Variants in TENM4 observed in about 807,000 individuals in gnomAD.
TENM4 encodes the protein teneurin transmembrane protein 4.
Under a neutral mutation model 243.3 loss-of-function variants are expected in TENM4, and 82 were observed. The observed-to-expected ratio is 0.34, with a 90% CI of 0.28 to 0.40. The LOEUF (loss-of-function observed/expected upper bound fraction) is 0.40. TENM4 is among the 10% of genes least tolerant of loss of function. The pLI, the probability that TENM4 is intolerant of heterozygous loss-of-function variation, is 1.00. For synonymous variants in TENM4, 1,412 were observed against 1,456.3 expected (o/e 0.97, Z 0.69); for missense variants, 3,138 against 3,673.3 (o/e 0.85, Z 3.77).
At position 79,153,958 on chromosome 11, in the gene TENM4, A is replaced by G. The variant is rs117246811; in HGVS notation, c.-162-5152T>C. On this transcript the variant is annotated intron_variant, in intron 3 of 33. Coordinates refer to ENST00000278550, the MANE Select transcript of TENM4 (RefSeq NM_001098816.3). The stretch of plus-strand genomic sequence containing the variant: ...CTGTCAGGTTAGGACAAGAACCCCA[A>G]ACTCACTGCCTTACCAGATTGCTTT... 2.9e-3 allele frequency among the ~76,000 whole-genome samples: 446 copies of G among 152,204 alleles called. 3 individuals are homozygous for G. The highest frequency in any genetic ancestry group is 5.3e-3 in the Non-Finnish European group (358 of 68,006).
intron 6 of TENM4, among the ~76,000 whole-genome samples, chr11:78,953,214 G>A (rs1042657810): frequency 1.3e-5 from 2 of 152,210 alleles, no homozygotes; most frequent in African/African-American, 4.8e-5. Flanking sequence ...AGCATCTGAA[G>A]CTTTGTCTCT....
At chr11:78,844,278 T>C (rs1477426825) in intron 12 of TENM4, among the ~76,000 whole-genome samples, 2 of 152,172 alleles carry the variant, frequency 1.3e-5, no homozygotes, top group African/African-American at 4.8e-5. Flanking sequence ...ATAGGGCCTA[T>C]ATGGAGATAA....
intron 2 of TENM4, among the ~76,000 whole-genome samples, chr11:79,257,280 CT>C (rs1487848603): frequency 6.6e-5 from 10 of 152,126 alleles, no homozygotes; most frequent in South Asian, 2.1e-4. Context: ...TGTTATGCCA[CT>C]TCTTAAAGAA....
rs1331725081 is a variant in TENM4, at chr11:78,891,257, C to T, written c.829G>A (p.Asp277Asn). The T allele has an allele frequency of 1.3e-6, 2 of 1,551,596 alleles. No homozygotes were observed. The highest frequency in any genetic ancestry group is 1.4e-5 in the African/African-American group (1 of 73,058). Reference sequence around the variant, plus strand: ...ACCTACCCGTCACTGTAAGCCCCATCATGGCGGGAGGCGCCGAGAATGTCC... The same window carrying T: ...ACCTACCCGTCACTGTAAGCCCCATTATGGCGGGAGGCGCCGAGAATGTCC... ...EMDILGASRH[D>N]GAYSDGHFLF... is the part of the protein sequence containing the mutation. The change falls in exon 8 of 34, where the codon GAT (aspartate) becomes AAT (asparagine). Residue 277 changes from aspartate to asparagine, a missense_variant. Physicochemically the swap from Asp to Asn is conservative, Grantham distance 23. Transcript: ENST00000278550.
At chr11:79,350,116 G>T (rs1389495848) in intron 1 of TENM4, among the ~76,000 whole-genome samples, 1 of 152,222 alleles carries the variant, frequency 6.6e-6, no homozygotes, top group Admixed American at 6.5e-5. Flanking sequence ...AGGAATATCA[G>T]ACAAGTTCAC....
chr11:78,725,550 G>C (rs1340470345), intron 23 of TENM4, among the ~76,000 whole-genome samples: 3 of 152,158 alleles, frequency 2.0e-5, no homozygotes, highest in Non-Finnish European at 4.4e-5. Context: ...GTCTTTTGCT[G>C]TTCCCTTCAT....
chr11:78,877,634 C>T (rs1859301548), intron 9 of TENM4, among the ~76,000 whole-genome samples: 1 of 152,158 alleles, frequency 6.6e-6, no homozygotes, highest in East Asian at 1.9e-4. Context: ...GCTGCCTCCC[C>T]TGGGGGCTTT....
chr11:79,316,688 C>T (rs1416672514), intron 1 of TENM4, among the ~76,000 whole-genome samples: 1 of 152,182 alleles, frequency 6.6e-6, no homozygotes, highest in African/African-American at 2.4e-5. Flanking sequence ...TTTGCTCCCC[C>T]AGCCCCAGGA....
chr11:78,882,727 C>A (rs1210531055), intron 9 of TENM4, among the ~76,000 whole-genome samples: 13 of 152,254 alleles, frequency 8.5e-5, no homozygotes, highest in Admixed American at 8.5e-4. Flanking sequence ...GACCCAGGGT[C>A]TTCCAGACCA....
chr11:78,776,364 C>A (rs972761131), intron 17 of TENM4, among the ~76,000 whole-genome samples: 6 of 152,192 alleles, frequency 3.9e-5, no homozygotes, highest in Admixed American at 3.3e-4. Flanking sequence ...ACCCTCATCA[C>A]ACTTTGTTGG....
intron 9 of TENM4, among the ~76,000 whole-genome samples, chr11:78,877,246 C>T (rs888160172): frequency 2.6e-5 from 4 of 152,160 alleles, no homozygotes; most frequent in Non-Finnish European, 4.4e-5. Context: ...CTCTCTCTTC[C>T]TCTCACTGCT....
chr11:78,688,376 G>T, intron 28 of TENM4, 150 bp from the exon 29 acceptor site: 1 of 844,466 alleles, frequency 1.2e-6, no homozygotes, highest in Non-Finnish European at 1.8e-6. Flanking sequence ...TCTTGCACAG[G>T]ACCTGGTACA....
intron 6 of TENM4, among the ~76,000 whole-genome samples, chr11:79,026,838 T>G (rs1432713246): frequency 2.0e-5 from 3 of 152,180 alleles, no homozygotes; most frequent in Non-Finnish European, 4.4e-5. Context: ...CTTCTTGGAC[T>G]CTGGTAAAAG....
intron 4 of TENM4, among the ~76,000 whole-genome samples, chr11:79,124,095 G>A (rs1354259000): frequency 2.0e-5 from 3 of 152,152 alleles, no homozygotes; most frequent in Non-Finnish European, 4.4e-5. Flanking sequence ...CTGTGGGTCC[G>A]TTGGCAGGAC....
chr11:79,078,353 C>CTG (rs373680600), intron 4 of TENM4, among the ~76,000 whole-genome samples: 23 of 151,366 alleles, frequency 1.5e-4, no homozygotes, highest in East Asian at 3.9e-4. Context: ...TGGGTAGCAT[C>CTG]TGTGTGTGTG....
intron 17 of TENM4, 100 bp downstream of exon 17, chr11:78,778,502 T>C (rs1856780680): frequency 7.9e-7 from 1 of 1,262,168 alleles, no homozygotes; most frequent in Non-Finnish European, 1.1e-6. Flanking sequence ...ATCATGCTTA[T>C]GTGGTGTATA....
At position 79,274,028 on chromosome 11, in the gene TENM4, C is replaced by T. The variant is rs182108741; in HGVS notation, c.-265+23460G>A. Among the ~76,000 whole-genome samples, 329 of 152,266 alleles carry T rather than the reference C, an allele frequency of 2.2e-3. 1 individual carries two copies. The highest frequency in any genetic ancestry group is 4.4e-3 in the Admixed American group (67 of 15,298). ...ATCTGCAAGCTTCAGCACTCCTCCA[C>T]GGCACCCCACTGTGCGAGGGGGAAA... On this transcript the variant is annotated intron_variant, in intron 2 of 33. Transcript: ENST00000278550.
At chr11:78,746,176 C>T (rs948756964) in intron 19 of TENM4, among the ~76,000 whole-genome samples, 14 of 152,336 alleles carry the variant, frequency 9.2e-5, no homozygotes, top group East Asian at 5.8e-4. Context: ...ACTGAGTCCA[C>T]GTTCCTCATG....
Position 78,805,277 on chromosome 11 carries a change from T to TGCC in TENM4, c.2179+14_2179+15insGGC. The stretch of plus-strand genomic sequence containing the variant: ...CCCCTCCCTCTACCCATGCTTCTTC[T>TGCC]CCCCCTGCATTTACCGATAGAACAG... On this transcript the variant is annotated intron_variant, in intron 15 of 33. Transcript: ENST00000278550. 5.7e-4 allele frequency: 805 copies of TGCC among 1,401,116 alleles called. No individual in the cohort carries two copies. The highest frequency in any genetic ancestry group is 7.1e-4 in the Non-Finnish European group (732 of 1,031,822). The allele number at this position is 1,401,116 out of a possible 1,614,324, so 86.8% of individuals were successfully genotyped here. A position where few individuals can be genotyped will look rare whatever the true frequency, so the allele number is the denominator to read the frequency against.
Sources: gnomAD v4.1 joint callset for allele counts (sites outside exome capture counted in the v4.1 genomes callset) on GRCh38, gnomAD v4.1.1 for gene constraint, MANE v1.5 for transcripts, NCBI Gene and HGNC (gene_info 2026-07-23, HGNC 2026-07-21) for gene names.